The following RYK variants were observed in gnomAD, a reference collection of about 807,000 sequenced individuals.
RYK encodes the protein receptor like tyrosine kinase.
Under a neutral mutation model 70.2 loss-of-function variants are expected in RYK, and 21 were observed. The observed-to-expected ratio is 0.30, with a 90% CI of 0.21 to 0.43. RYK has a LOEUF of 0.43. Among genes scored for constraint, RYK ranks in the 20% least tolerant of loss-of-function variants. RYK has a pLI of 1.00. For missense variants in RYK, 604 were observed against 753.3 expected (o/e 0.80, Z 2.32); for synonymous variants, 267 against 278.0 (o/e 0.96, Z 0.39).
chr3:134,212,987 A>C (rs1278308843), intron 2 of RYK, among the ~76,000 whole-genome samples: 1 of 152,216 alleles, frequency 6.6e-6, no homozygotes, highest in African/African-American at 2.4e-5. Context: ...CATTCCCAAC[A>C]AAGGAAATGT....
intron 13 of RYK, among the ~76,000 whole-genome samples, chr3:134,165,637 C>T (rs74510968): frequency 1.3e-5 from 2 of 152,272 alleles, no homozygotes; most frequent in African/African-American, 2.4e-5. Flanking sequence ...CACTGAGGTA[C>T]GTTCCACCTA....
Position 134,247,129 on chromosome 3 carries a change from AT to A in RYK, c.232+3293del, listed in dbSNP as rs532124617. On this transcript the variant is annotated intron_variant, in intron 1 of 14. Transcript: ENST00000623711. Reference sequence around the variant, plus strand: ...GGAAAAACAAAAATGTATAAAAAAAATCATAAGTCACTATTTAGCAATACCT... The same window carrying A: ...GGAAAAACAAAAATGTATAAAAAAAACATAAGTCACTATTTAGCAATACCT... Among the ~76,000 whole-genome samples, 218 of 152,318 alleles carry A rather than the reference AT, an allele frequency of 1.4e-3. 1 individual carries two copies. The highest frequency in any genetic ancestry group is 4.7e-3 in the African/African-American group (197 of 41,570).
chr3:134,210,225 A>C (rs1048693229), intron 3 of RYK, among the ~76,000 whole-genome samples: 4 of 152,238 alleles, frequency 2.6e-5, no homozygotes, highest in Non-Finnish European at 4.4e-5. Context: ...AAATTACATG[A>C]TCAAATGGAA....
intron 6 of RYK, among the ~76,000 whole-genome samples, chr3:134,199,423 G>A (rs1032919074): frequency 2.0e-5 from 3 of 152,246 alleles, no homozygotes; most frequent in Admixed American, 6.5e-5. Flanking sequence ...AATGACAATA[G>A]TGGATTATTA....
At chr3:134,242,807 G>T (rs954231221) in intron 1 of RYK, among the ~76,000 whole-genome samples, 1 of 152,162 alleles carries the variant, frequency 6.6e-6, no homozygotes, top group South Asian at 2.1e-4. Context: ...ACTCACAGGG[G>T]ACAGGTTTAG....
At chr3:134,248,903 T>G (rs1043586248) in intron 1 of RYK, among the ~76,000 whole-genome samples, 1 of 151,920 alleles carries the variant, frequency 6.6e-6, no homozygotes, top group Non-Finnish European at 1.5e-5. Flanking sequence ...CCCGAGAAAA[T>G]TAGAAGAAAT....
intron 6 of RYK, among the ~76,000 whole-genome samples, chr3:134,196,582 A>AACACACACACACAC (rs57185535): frequency 6.1e-4 from 79 of 128,494 alleles, no homozygotes; most frequent in African/African-American, 1.2e-3. Flanking sequence ...TCTGAAACAA[A>AACACACACACACAC]ACACACACAC....
intron 1 of RYK, among the ~76,000 whole-genome samples, chr3:134,234,904 C>T (rs1294108444): frequency 1.3e-5 from 2 of 151,666 alleles, no homozygotes; most frequent in African/African-American, 4.8e-5. Context: ...GACCATGGTA[C>T]AAAACTATCA....
At chr3:134,167,972 A>C (rs543164173) in intron 13 of RYK, among the ~76,000 whole-genome samples, 3 of 152,364 alleles carry the variant, frequency 2.0e-5, no homozygotes, top group Admixed American at 6.5e-5. Context: ...ATATGAACAG[A>C]TACTTCTCAA....
At position 134,183,302 on chromosome 3, in the gene RYK, C is replaced by G. The variant is rs565628879; in HGVS notation, c.1103-231G>C. The stretch of plus-strand genomic sequence containing the variant: ...ATCAATTAAGTTTCCATAAACAAAG[C>G]AGAAAATGCAATAACAGACTGGAAA... On this transcript the variant is annotated intron_variant, in intron 9 of 14. Transcript: ENST00000623711. 1.6e-5 allele frequency: 5 copies of G among 305,122 alleles called. No homozygotes were observed. In the East Asian group the frequency reaches 2.2e-4, roughly 13 times the overall value. 18.9% of individuals were successfully genotyped at this position (305,122 alleles called of 1,614,324 possible). A position where few individuals can be genotyped will look rare whatever the true frequency, so the allele number is the denominator to read the frequency against.
chr3:134,241,742 C>T (rs960987845), intron 1 of RYK, among the ~76,000 whole-genome samples: 3 of 152,198 alleles, frequency 2.0e-5, no homozygotes, highest in African/African-American at 7.2e-5. Context: ...AAAGCACGCA[C>T]TTTGGAGTCA....
At chr3:134,164,170 G>C (rs756226977) in intron 13 of RYK, among the ~76,000 whole-genome samples, 24 of 152,066 alleles carry the variant, frequency 1.6e-4, no homozygotes, top group Non-Finnish European at 2.1e-4. Flanking sequence ...GTCCTTGGTG[G>C]GTCTTAAGAT....
Position 134,224,600 on chromosome 3 carries a change from C to T in RYK, c.233-2061G>A, listed in dbSNP as rs141966287. Among the ~76,000 whole-genome samples, 451 of 152,270 alleles carry T rather than the reference C, an allele frequency of 3.0e-3. 1 individual carries two copies. Among genetic ancestry groups the T allele is most frequent in the African/African-American group, 0.01 (419 of 41,570 alleles). On this transcript the variant is annotated intron_variant, in intron 1 of 14. Coordinates refer to ENST00000623711, the MANE Select transcript of RYK (RefSeq NM_002958.4). ...GGAGCAGAGTCTTCTCTAACTCCCC[C>T]GGGGAAAGGGAGAGTCCCTTTCCTG...
Position 134,188,876 on chromosome 3 carries a change from G to A in RYK, c.1063C>T (p.Pro355Ser), listed in dbSNP as rs1484021721. The A allele has an allele frequency of 1.3e-6, 2 of 1,580,378 alleles. No homozygotes were observed. Among genetic ancestry groups the A allele is most frequent in the Non-Finnish European group, 1.7e-6 (2 of 1,155,512 alleles). ...ACAAATGCTTGTTTTTCTTTATTTGGATCTTTTTCATCTATTAAAATCCCA... is the reference window on the plus strand; with the variant it reads ...ACAAATGCTTGTTTTTCTTTATTTGAATCTTTTTCATCTATTAAAATCCCA... ...FHGILIDEKD[P>S]NKEKQAFVKT... The change falls in exon 9 of 15, where the codon CCA becomes TCA. Residue 355 changes from proline to serine, a missense_variant. Coordinates refer to ENST00000623711, the MANE Select transcript of RYK (RefSeq NM_002958.4).
chr3:134,199,354 G>A (rs2013915807), intron 6 of RYK, among the ~76,000 whole-genome samples: 2 of 152,230 alleles, frequency 1.3e-5, no homozygotes, highest in African/African-American at 2.4e-5. Context: ...GAGGATTAAC[G>A]GAGTTCATGA....
chr3:134,203,419 T>C, intron 5 of RYK, among the ~76,000 whole-genome samples: 1 of 151,900 alleles, frequency 6.6e-6, no homozygotes, highest in Non-Finnish European at 1.5e-5. Flanking sequence ...AAAAAAAAAA[T>C]GTTCAATGAT....
intron 1 of RYK, among the ~76,000 whole-genome samples, chr3:134,226,950 C>T (rs1463037409): frequency 1.3e-5 from 2 of 152,080 alleles, no homozygotes; most frequent in Admixed American, 6.5e-5. Flanking sequence ...TACCGGAGGT[C>T]CTAGCCAATG....
At chr3:134,180,231 C>G (rs560230160) in intron 10 of RYK, 1 of 151,862 alleles carries the variant, frequency 6.6e-6, no homozygotes, top group Non-Finnish European at 1.5e-5. Context: ...GCAGAAATAG[C>G]GCAAGAGTAC....
chr3:134,240,109 T>C (rs1283887198), intron 1 of RYK, among the ~76,000 whole-genome samples: 1 of 152,224 alleles, frequency 6.6e-6, no homozygotes, highest in Non-Finnish European at 1.5e-5. Flanking sequence ...AGCTTAGATA[T>C]TTGATATTTA....
Sources: gnomAD v4.1 joint callset for allele counts (sites outside exome capture counted in the v4.1 genomes callset) on GRCh38, gnomAD v4.1.1 for gene constraint, MANE v1.5 for transcripts, NCBI Gene and HGNC (gene_info 2026-07-23, HGNC 2026-07-21) for gene names.